The following PROM1 variants were observed in gnomAD, a reference collection of about 807,000 sequenced individuals.
The protein encoded by PROM1 is prominin-1.
PROM1 carries 105 observed loss-of-function variants against 116.9 expected under a neutral mutation model. The ratio of observed to expected loss-of-function variants is 0.90; its 90% CI spans 0.77 to 1.06. The LOEUF (loss-of-function observed/expected upper bound fraction) is 1.06, where lower values mean the gene tolerates loss of function less well. PROM1 is among the 50% of genes least tolerant of loss of function. The probability of loss-of-function intolerance (pLI) is 0.00; values close to 1 mark genes in which losing one functional copy is unlikely to be tolerated. For missense variants in PROM1, 1,122 were observed against 1,045.2 expected, an observed-to-expected ratio of 1.07 and a Z score of -1.01; for synonymous variants, 393 against 387.0, an observed-to-expected ratio of 1.02 and a Z score of -0.18.
At chr4:16,072,399 T>C (rs913240618) in intron 2 of PROM1, among the ~76,000 whole-genome samples, 15 of 152,246 alleles carry the variant, frequency 9.9e-5, no homozygotes, top group African/African-American at 3.4e-4. Flanking sequence ...TTCCTTGACC[T>C]GTACTGGAAC....
chr4:16,006,774 G>C, intron 12 of PROM1, 84 bp from the exon 13 acceptor site: 1 of 1,365,656 alleles, frequency 7.3e-7, no homozygotes, highest in Non-Finnish European at 1.0e-6. Context: ...GGCTGGAGCC[G>C]ATGAGTTATT....
chr4:15,990,648 A>G (rs899179102), intron 18 of PROM1, among the ~76,000 whole-genome samples: 1 of 152,204 alleles, frequency 6.6e-6, no homozygotes. Context: ...GGCTGCAGTC[A>G]TCTTGAGATA....
intron 1 of PROM1, chr4:16,082,110 A>T (rs1282785371): frequency 1.3e-5 from 2 of 152,198 alleles, no homozygotes; most frequent in Non-Finnish European, 2.9e-5. Flanking sequence ...AGCACCTGGC[A>T]CGCAGCTGGA....
At chr4:16,046,790 T>G (rs12511202) in intron 2 of PROM1, among the ~76,000 whole-genome samples, 11,601 of 151,798 alleles carry the variant, frequency 0.076, 669 homozygotes, top group East Asian at 0.18. Context: ...CTACACAGAG[T>G]GGGTACTTCA....
At chr4:15,983,880 T>C (rs1204061019) in intron 23 of PROM1, among the ~76,000 whole-genome samples, 3 of 152,074 alleles carry the variant, frequency 2.0e-5, no homozygotes, top group East Asian at 1.9e-4. Flanking sequence ...ACCATCCCAA[T>C]AGTCACATTT....
chr4:16,033,371 T>C lies in PROM1; in HGVS notation c.442A>G (p.Lys148Glu). 6.2e-7 allele frequency: 1 copy of C among 1,613,936 alleles called. No individual in the cohort carries two copies. The highest frequency in any genetic ancestry group is 8.5e-7 in the Non-Finnish European group (1 of 1,179,868). Residue 148 changes from lysine (K) to glutamate (E), a missense_variant, in exon 5 of 28, where the codon AAG becomes GAG. Transcript: ENST00000447510. ...TTCCTCAGGAAGGGCCCATTTTCCT[T>C]CTGTCGCTGGTGCATTTCTCCACCA... ...KCGGEMHQRQ[K>E]ENGPFLRKCF...
chr4:15,978,653 C>A (rs951734375), intron 26 of PROM1, among the ~76,000 whole-genome samples: 1 of 152,186 alleles, frequency 6.6e-6, no homozygotes, highest in Non-Finnish European at 1.5e-5. Flanking sequence ...CTGTGGGGAG[C>A]GGGCTCGGGG....
At chr4:16,024,445 T>C in intron 6 of PROM1, 87 bp from the exon 7 acceptor site, 1 of 1,129,010 alleles carries the variant, frequency 8.9e-7, no homozygotes, top group Non-Finnish European at 1.2e-6. Context: ...ACAAAAGTTT[T>C]CCTGAATCAG....
rs568936018 is a variant in PROM1 at position 15,991,844 on chromosome 4, G to C, written c.1911+404C>G. ...CCAGCCACTCGGGAGGCTGAGGCAG[G>C]AGAATCACTTGAACCCAGGAAGTGG... is the stretch of plus-strand genomic sequence containing the variant. On this transcript the variant is annotated intron_variant, in intron 17 of 27. Coordinates refer to ENST00000447510, the MANE Select transcript of PROM1 (RefSeq NM_006017.3). Among the ~76,000 whole-genome samples the C allele has an allele frequency of 5.4e-5, 8 of 148,654 alleles. No individual in the cohort carries two copies. The South Asian group carries it at 1.7e-3, about 32-fold the overall frequency.
intron 2 of PROM1, among the ~76,000 whole-genome samples, chr4:16,045,047 C>T (rs964236830): frequency 1.3e-5 from 2 of 152,118 alleles, no homozygotes; most frequent in Non-Finnish European, 2.9e-5. Flanking sequence ...TAGCCTCTCC[C>T]ACCTCTACTC....
At chr4:16,052,142 T>C (rs1738030308) in intron 2 of PROM1, among the ~76,000 whole-genome samples, 1 of 152,186 alleles carries the variant, frequency 6.6e-6, no homozygotes, top group African/African-American at 2.4e-5. Flanking sequence ...AAGGAATGCT[T>C]TGTGAGAGCT....
At position 16,042,534 on chromosome 4, in the gene PROM1, G is replaced by A. The variant is rs142984150; in HGVS notation, c.221-3533C>T. ...GATACTCTAGAAGCCCTGACTTCAC[G>A]ACTATGTGCTGTATCCACATCACAA... On this transcript the variant is annotated intron_variant, in intron 2 of 27. Transcript: ENST00000447510. Among the ~76,000 whole-genome samples the A allele has an allele frequency of 2.1e-3, 316 of 152,230 alleles. 2 individuals are homozygous for A. The highest frequency in any genetic ancestry group is 7.1e-3 in the African/African-American group (295 of 41,544).
At chr4:15,971,277 C>T in intron 26 of PROM1, 195 bp from the exon 27 acceptor site, 1 of 553,380 alleles carries the variant, frequency 1.8e-6, no homozygotes, top group Admixed American at 3.1e-5. Context: ...CTTTTAAAAA[C>T]AGCATAGAAG....
intron 13 of PROM1, among the ~76,000 whole-genome samples, chr4:16,002,833 A>G (rs1356455033): frequency 1.3e-5 from 2 of 152,304 alleles, no homozygotes; most frequent in South Asian, 4.1e-4. Flanking sequence ...AAATATGCAC[A>G]TTCCTAGATC....
chr4:16,063,432 CCAAAAATA>C (rs1740809015), intron 2 of PROM1, among the ~76,000 whole-genome samples: 1 of 152,048 alleles, frequency 6.6e-6, no homozygotes, highest in South Asian at 2.1e-4. Context: ...CCCGCTTCTA[CCAAAAATA>C]CAAAAATTAG....
chr4:16,030,250 A>C (rs1732324165), intron 5 of PROM1, among the ~76,000 whole-genome samples: 1 of 152,210 alleles, frequency 6.6e-6, no homozygotes, highest in African/African-American at 2.4e-5. Flanking sequence ...ATTTAAAGTG[A>C]GAAAAAAAAA....
chr4:16,027,856 T>C (rs943489561), intron 5 of PROM1, among the ~76,000 whole-genome samples: 1 of 152,224 alleles, frequency 6.6e-6, no homozygotes, highest in Non-Finnish European at 1.5e-5. Context: ...ACTGTCTTTG[T>C]GCCTTTATTG....
At chr4:16,069,213 C>A (rs1742255226) in intron 2 of PROM1, among the ~76,000 whole-genome samples, 3 of 152,098 alleles carry the variant, frequency 2.0e-5, no homozygotes, top group Non-Finnish European at 2.9e-5. Context: ...CCAGTATGGG[C>A]AACAAAGCAA....
intron 20 of PROM1, among the ~76,000 whole-genome samples, chr4:15,987,007 C>G (rs1239333838): frequency 2.0e-5 from 3 of 152,208 alleles, no homozygotes; most frequent in Admixed American, 2.0e-4. Flanking sequence ...CCACACATGG[C>G]CCCTGTGGTA....
Sources: allele counts gnomAD v4.1 joint callset (sites outside exome capture counted in the v4.1 genomes callset), GRCh38; gene constraint gnomAD v4.1.1; transcripts MANE v1.5; gene names NCBI Gene and HGNC (gene_info 2026-07-23, HGNC 2026-07-21).